Variants in ANK2 observed in about 807,000 individuals in gnomAD.
ANK2 encodes ankyrin 2.
Under a neutral mutation model 360.5 loss-of-function variants are expected in ANK2, and 83 were observed. The observed-to-expected ratio is 0.23, with a 90% CI of 0.19 to 0.28. The LOEUF (loss-of-function observed/expected upper bound fraction) is 0.28, where lower values mean the gene tolerates loss of function less well. ANK2 is among the 10% of genes least tolerant of loss of function. The pLI is 1.00. For missense variants in ANK2, 4,201 were observed against 4,795.7 expected (o/e 0.88, Z 3.66); for synonymous variants, 1,740 against 1,759.5 (o/e 0.99, Z 0.28).
At chr4:112,803,135 C>T in the ANK2 span, among the ~76,000 whole-genome samples, 1 of 152,126 alleles carries the variant, frequency 6.6e-6, no homozygotes, top group Admixed American at 6.6e-5. Flanking sequence ...CTCCAGTATT[C>T]CCTCGAGAAT....
intron 2 of ANK2, among the ~76,000 whole-genome samples, chr4:112,941,450 CTT>C (rs2094201211): frequency 7.0e-6 from 1 of 142,344 alleles, no homozygotes; most frequent in African/African-American, 2.5e-5. Flanking sequence ...ATACATATAT[CTT>C]TTATAAATAT....
chr4:112,768,400 C>T, the ANK2 span, among the ~76,000 whole-genome samples: 4 of 151,990 alleles, frequency 2.6e-5, no homozygotes, highest in Non-Finnish European at 4.4e-5. Flanking sequence ...ACTACAGGCT[C>T]ATGCCACCAT....
the ANK2 span, among the ~76,000 whole-genome samples, chr4:112,711,045 C>T: frequency 8.6e-5 from 13 of 151,224 alleles, no homozygotes; most frequent in African/African-American, 3.2e-4. Flanking sequence ...CTGCCTCAGC[C>T]TCCCAAAGTG....
intron 13 of ANK2, among the ~76,000 whole-genome samples, chr4:113,260,998 C>T (rs60402828): frequency 2.0e-5 from 3 of 152,290 alleles, no homozygotes; most frequent in African/African-American, 7.2e-5. Flanking sequence ...TGCTTTTCAA[C>T]TTGATGCGCC....
intron 22 of ANK2, among the ~76,000 whole-genome samples, chr4:113,299,430 C>A (rs539078174): frequency 6.6e-6 from 1 of 152,110 alleles, no homozygotes; most frequent in Non-Finnish European, 1.5e-5. Context: ...AAAGGTCAGC[C>A]GCGGTAGCTC....
chr4:113,210,795 A>C (rs1396732123), intron 4 of ANK2, among the ~76,000 whole-genome samples: 1 of 152,208 alleles, frequency 6.6e-6, no homozygotes, highest in Non-Finnish European at 1.5e-5. Flanking sequence ...TGTTAGCTTC[A>C]TGAGCATGGG....
the ANK2 span, among the ~76,000 whole-genome samples, chr4:112,735,594 A>G: frequency 6.6e-6 from 1 of 152,222 alleles, no homozygotes; most frequent in African/African-American, 2.4e-5. Flanking sequence ...GTCAGTCACA[A>G]GACACCAGTG....
At chr4:113,282,314 A>G (rs575835265) in intron 17 of ANK2, among the ~76,000 whole-genome samples, 7 of 152,336 alleles carry the variant, frequency 4.6e-5, no homozygotes, top group African/African-American at 1.7e-4. Flanking sequence ...CCTGGAAAAC[A>G]GAAAACTAAA....
At chr4:113,021,541 C>CCCACACACACACATAT (rs2058126747) in intron 2 of ANK2, among the ~76,000 whole-genome samples, 3 of 95,572 alleles carry the variant, frequency 3.1e-5, no homozygotes, top group Non-Finnish European at 6.8e-5. Flanking sequence ...CACACACAAA[C>CCCACACACACACATAT]ATATATATAT....
At chr4:113,121,644 T>C (rs1317244653) in intron 1 of ANK2, among the ~76,000 whole-genome samples, 1 of 152,180 alleles carries the variant, frequency 6.6e-6, no homozygotes, top group East Asian at 1.9e-4. Context: ...CACAATTTTA[T>C]TAGGACTTCA....
At chr4:113,194,566 T>A (rs905697176) in intron 2 of ANK2, among the ~76,000 whole-genome samples, 1 of 152,220 alleles carries the variant, frequency 6.6e-6, no homozygotes, top group Admixed American at 6.5e-5. Flanking sequence ...CTTTGTTTTT[T>A]AGGATTGATT....
At chr4:112,820,007 G>A (rs1477528435) in intron 1 of ANK2, among the ~76,000 whole-genome samples, 1 of 152,132 alleles carries the variant, frequency 6.6e-6, no homozygotes, top group Non-Finnish European at 1.5e-5. Flanking sequence ...TGGATTCCTC[G>A]GTCACAAAAC....
intron 2 of ANK2, among the ~76,000 whole-genome samples, chr4:112,936,904 C>T (rs1481992703): frequency 1.3e-5 from 2 of 152,102 alleles, no homozygotes; most frequent in Non-Finnish European, 2.9e-5. Context: ...TTCTCCACTT[C>T]GGCCTCCCAA....
At chr4:112,929,186 A>G (rs990477317) in intron 2 of ANK2, among the ~76,000 whole-genome samples, 4 of 152,182 alleles carry the variant, frequency 2.6e-5, no homozygotes, top group Non-Finnish European at 4.4e-5. Context: ...AGTTCAGGGT[A>G]GAATATGACA....
rs545374379 is a variant in ANK2, at chr4:113,094,529, TGTGTGTGTGCATGCATGTGTGTGCGC to T, written c.84+44726_84+44751del. On this transcript the variant is annotated intron_variant, in intron 1 of 45. Coordinates refer to ENST00000357077, the MANE Select transcript of ANK2 (RefSeq NM_001148.6). ...AGAGGGTGCAGCACGTGTGTGTGTG[TGTGTGTGTGCATGCATGTGTGTGCGC>T]GTGTGTGTATAAACATTGAAGCTGC... 7.6e-4 allele frequency among the ~76,000 whole-genome samples: 116 copies of T among 152,158 alleles called. 1 individual carries two copies. The East Asian group carries it at 0.02, about 26-fold the overall frequency.
At chr4:112,790,423 G>C in the ANK2 span, among the ~76,000 whole-genome samples, 2 of 151,680 alleles carry the variant, frequency 1.3e-5, no homozygotes, top group Non-Finnish European at 2.9e-5. Flanking sequence ...ATTTCTAGCA[G>C]AGTGAGGGGA....
rs902622614 is a variant in ANK2, at chr4:113,287,631, A to G, written c.2106A>G (p.Ala702=). ...GTGGACTCACATCCTTACACCTTGC[A>G]GCCCAGGAAGATAAAGTGAATGTTG... ...TKSGLTSLHL[A]AQEDKVNVAD... The change falls in exon 19 of 46, where the codon GCA becomes GCG. Residue 702 remains alanine (A), a synonymous_variant. Coordinates refer to ENST00000357077, the MANE Select transcript of ANK2 (RefSeq NM_001148.6). The G allele has an allele frequency of 6.2e-7, 1 of 1,613,198 alleles. No homozygotes were observed. Among genetic ancestry groups the G allele is most frequent in the Non-Finnish European group, 8.5e-7 (1 of 1,179,210 alleles).
At chr4:113,302,095 G>A (rs910162901) in intron 22 of ANK2, among the ~76,000 whole-genome samples, 5 of 152,174 alleles carry the variant, frequency 3.3e-5, no homozygotes, top group Admixed American at 6.5e-5. Flanking sequence ...GGCCTTATAG[G>A]TAATAAGTGA....
the ANK2 span, among the ~76,000 whole-genome samples, chr4:112,713,858 C>T: frequency 1.3e-5 from 2 of 149,282 alleles, no homozygotes; most frequent in Admixed American, 6.7e-5. Context: ...GGCGTGAACC[C>T]GGGAGGCGGA....
Sources: allele counts gnomAD v4.1 joint callset (sites outside exome capture counted in the v4.1 genomes callset), GRCh38; gene constraint gnomAD v4.1.1; transcripts MANE v1.5; gene names NCBI Gene and HGNC (gene_info 2026-07-23, HGNC 2026-07-21).